ERG: variants seen among roughly 807,000 people sequenced by gnomAD.
ERG encodes the protein transcriptional regulator ERG.
A neutral mutation model predicts 55.3 loss-of-function variants in ERG; 9 were observed. That is an observed-to-expected ratio of 0.16 (90% CI 0.10 to 0.28). The LOEUF is 0.28. ERG is among the 10% of genes least tolerant of loss of function. The pLI is 1.00. For synonymous variants in ERG, 223 were observed against 237.3 expected (o/e 0.94, Z 0.55); for missense variants, 434 against 631.6 (o/e 0.69, Z 3.35).
At position 38,547,466 on chromosome 21, in the gene ERG, T is replaced by A. The variant is rs148604018; in HGVS notation, c.-41+28196A>T. Among the ~76,000 whole-genome samples, 52 of 152,266 alleles carry A rather than the reference T, an allele frequency of 3.4e-4. 1 individual carries two copies. The highest frequency in any genetic ancestry group is 1.2e-3 in the Admixed American group (19 of 15,296). On this transcript the variant is annotated intron_variant, in intron 2 of 8. Transcript: ENST00000398897. The stretch of plus-strand genomic sequence containing the variant: ...TCACAAGACAAGAGGGAACGCTGCC[T>A]CTAAGGAGTCTCTCTGGGACACCTG...
chr21:38,392,504 T>C lies in ERG; in HGVS notation c.746-60A>G, dbSNP rs180807463. 8.1e-5 allele frequency: 100 copies of C among 1,231,592 alleles called. 1 individual carries two copies. In the African/African-American group the frequency reaches 1.4e-3, roughly 17 times the overall value. The allele number at this position is 1,231,592 out of a possible 1,614,324, so 76.3% of individuals were successfully genotyped here. A position where few individuals can be genotyped will look rare whatever the true frequency, so the allele number is the denominator to read the frequency against. On this transcript the variant is annotated intron_variant, in intron 6 of 9. Coordinates refer to ENST00000288319, the MANE Select transcript of ERG (RefSeq NM_182918.4). Reference sequence around the variant, plus strand: ...CATGTAATTTTTATAAGAGATGCTTTGGTTTTTTATTTGATTTTGTATTTA... The same window carrying C: ...CATGTAATTTTTATAAGAGATGCTTCGGTTTTTTATTTGATTTTGTATTTA...
intron 1 of ERG, chr21:38,449,237 G>A (rs2058919248): frequency 6.6e-6 from 1 of 152,184 alleles, no homozygotes. Flanking sequence ...CTTTAGATTG[G>A]TGTTTGCCAA....
At chr21:38,379,107 T>A (rs1368656746), downstream of ERG, among the ~76,000 whole-genome samples, 1 of 152,230 alleles carries the variant, frequency 6.6e-6, no homozygotes, top group Middle Eastern at 3.2e-3. Flanking sequence ...TGGGGAGGAC[T>A]GGATGGAGGT....
chr21:38,552,036 A>AT (rs1439549243), intron 2 of ERG, among the ~76,000 whole-genome samples: 10 of 152,224 alleles, frequency 6.6e-5, no homozygotes, highest in African/African-American at 2.4e-4. Context: ...CATTGGGTGC[A>AT]TACATATCTA....
chr21:38,498,872 G>A (rs1014376206), upstream of ERG, among the ~76,000 whole-genome samples: 7 of 152,178 alleles, frequency 4.6e-5, no homozygotes, highest in African/African-American at 1.7e-4. This position sits in a 1 kb window ranked among gnomAD's most constrained non-coding sequence, Gnocchi z 4.6. Context: ...AGAATTACTA[G>A]GACAGAGGAC....
intron 1 of ERG, among the ~76,000 whole-genome samples, chr21:38,476,547 G>A (rs759033291): frequency 3.9e-5 from 6 of 152,188 alleles, no homozygotes; most frequent in Non-Finnish European, 8.8e-5. Flanking sequence ...TCAGTTGAAG[G>A]AAAGGGAAGT....
At chr21:38,406,252 G>A (rs755874348) in intron 3 of ERG, among the ~76,000 whole-genome samples, 4 of 151,416 alleles carry the variant, frequency 2.6e-5, no homozygotes, top group Non-Finnish European at 4.4e-5. Flanking sequence ...AAACTCCAAC[G>A]GCAGTGATGA....
chr21:38,599,138 G>A (rs2060148906), intron 1 of ERG, among the ~76,000 whole-genome samples: 1 of 152,190 alleles, frequency 6.6e-6, no homozygotes, highest in South Asian at 2.1e-4. Context: ...TGCAGAGGCT[G>A]CCTGGGGACA....
intron 1 of ERG, chr21:38,448,932 G>C (rs2058916251): frequency 6.6e-6 from 1 of 152,262 alleles, no homozygotes; most frequent in African/African-American, 2.4e-5. Context: ...AGCTCTGGGA[G>C]AGACTTCCTG....
intron 2 of ERG, among the ~76,000 whole-genome samples, chr21:38,508,436 T>G (rs1235612488): frequency 2.0e-5 from 3 of 152,134 alleles, no homozygotes; most frequent in African/African-American, 7.2e-5. Flanking sequence ...AATGAATGAA[T>G]GAGTGGATGA....
intron 1 of ERG, among the ~76,000 whole-genome samples, chr21:38,455,680 C>A (rs1035497321): frequency 3.3e-5 from 5 of 151,926 alleles, no homozygotes; most frequent in Admixed American, 3.3e-4. Flanking sequence ...AATGGAAAAC[C>A]CTGGCAAGCA....
chr21:38,433,153 T>C (rs1414292374), intron 2 of ERG, among the ~76,000 whole-genome samples: 1 of 152,204 alleles, frequency 6.6e-6, no homozygotes, highest in Non-Finnish European at 1.5e-5. Context: ...TCCCCAAAAC[T>C]TCATTGCTGT....
At chr21:38,474,896 G>A (rs1308672336) in intron 1 of ERG, among the ~76,000 whole-genome samples, 3 of 152,154 alleles carry the variant, frequency 2.0e-5, no homozygotes, top group Non-Finnish European at 4.4e-5. Flanking sequence ...GGACCTTCCT[G>A]ATAACATCTA....
At chr21:38,398,977 T>G (rs1473034745) in intron 6 of ERG, among the ~76,000 whole-genome samples, 4 of 152,220 alleles carry the variant, frequency 2.6e-5, no homozygotes, top group Non-Finnish European at 5.9e-5. Context: ...AGTTTTTATT[T>G]TTTTAGTTTA....
intron 1 of ERG, among the ~76,000 whole-genome samples, chr21:38,449,380 AG>A (rs1203974195): frequency 6.6e-6 from 1 of 152,206 alleles, no homozygotes; most frequent in African/African-American, 2.4e-5. Context: ...CCCAAACAAA[AG>A]GTACTACTGT....
chr21:38,457,099 T>C (rs899656857), intron 1 of ERG, among the ~76,000 whole-genome samples: 4 of 152,112 alleles, frequency 2.6e-5, no homozygotes, highest in African/African-American at 9.7e-5. Context: ...CCAATAGGGC[T>C]CTTTTGCCAT....
rs1447135475 is a variant in ERG, at chr21:38,460,709, T to C, written c.19-15088A>G. ...CCACCCATCCACTAATAGGGCAGCC[T>C]TTAGGGAAACTGACTTGTGGCAACT... On this transcript the variant is annotated intron_variant, in intron 1 of 9. Transcript: ENST00000288319. The surrounding 1 kb of genome is among the most constrained non-coding windows in gnomAD (Gnocchi z 5.0). 1.3e-5 allele frequency among the ~76,000 whole-genome samples: 2 copies of C among 152,142 alleles called. No homozygotes were observed. Among genetic ancestry groups the C allele is most frequent in the African/African-American group, 2.4e-5 (1 of 41,432 alleles).
intron 2 of ERG, among the ~76,000 whole-genome samples, chr21:38,441,383 C>A (rs929755986): frequency 6.6e-6 from 1 of 152,106 alleles, no homozygotes; most frequent in African/African-American, 2.4e-5. Flanking sequence ...AGTTGAAGGC[C>A]TTAAGAACAA....
At chr21:38,475,054 A>T (rs2059175109) in intron 1 of ERG, among the ~76,000 whole-genome samples, 1 of 152,194 alleles carries the variant, frequency 6.6e-6, no homozygotes, top group African/African-American at 2.4e-5. Flanking sequence ...TGCCTAGAGC[A>T]TCTTGCCAGT....
Sources: gnomAD v4.1 joint callset for allele counts (sites outside exome capture counted in the v4.1 genomes callset) on GRCh38, gnomAD v4.1.1 for gene constraint, Gnocchi (gnomAD v3.1) non-coding constraint, MANE v1.5 for transcripts, NCBI Gene and HGNC (gene_info 2026-07-23, HGNC 2026-07-21) for gene names.